MTFR1: variants seen among roughly 807,000 people sequenced by gnomAD.
MTFR1 encodes mitochondrial fission regulator 1.
A neutral mutation model predicts 38.8 loss-of-function variants in MTFR1; 28 were observed. The ratio of observed to expected loss-of-function variants is 0.72; its 90% CI spans 0.53 to 0.99. The LOEUF (loss-of-function observed/expected upper bound fraction) is 0.99, where lower values mean the gene tolerates loss of function less well. Ranked by LOEUF, MTFR1 falls within the 50% of genes least tolerant of loss-of-function variation. The pLI is 0.00. For missense variants in MTFR1, 358 were observed against 395.5 expected (o/e 0.91, Z 0.81); for synonymous variants, 145 against 137.0 (o/e 1.06, Z -0.41).
At position 65,727,191 on chromosome 8, in the gene MTFR1, A is replaced by G. The variant is rs201465547; in HGVS notation, c.*48+7710A>G. 174 of 1,606,880 alleles carry G rather than the reference A, an allele frequency of 1.1e-4. No homozygotes were observed. The East Asian group carries it at 2.4e-3, about 22-fold the overall frequency. On this transcript the variant is annotated intron_variant, in intron 3 of 3. Coordinates refer to the MTFR1 transcript ENST00000521247. ...TAACCTTGTATAAAGTTGCCAAGTAATGGTTAGTTTTAATAAGGAAAGGTT... is the reference window on the plus strand; with the variant it reads ...TAACCTTGTATAAAGTTGCCAAGTAGTGGTTAGTTTTAATAAGGAAAGGTT...
chr8:65,678,396 C>T (rs1804777809), intron 2 of MTFR1, among the ~76,000 whole-genome samples: 1 of 152,168 alleles, frequency 6.6e-6, no homozygotes, highest in Non-Finnish European at 1.5e-5. Context: ...GGTTATGGCT[C>T]TTCATTCTAA....
At chr8:65,744,734 AGAT>A (rs1205714800) in intron 3 of MTFR1, among the ~76,000 whole-genome samples, 1 of 152,240 alleles carries the variant, frequency 6.6e-6, no homozygotes, top group African/African-American at 2.4e-5. Flanking sequence ...AAAAAACATG[AGAT>A]AATAATGTTT....
At chr8:65,725,743 A>G (rs1332832918) in intron 3 of MTFR1, 3 of 152,196 alleles carry the variant, frequency 2.0e-5, no homozygotes, top group Non-Finnish European at 4.4e-5. Context: ...TAATGCTATT[A>G]GGTAGTATTC....
intron 3 of MTFR1, among the ~76,000 whole-genome samples, chr8:65,750,455 T>C (rs563788664): frequency 2.0e-5 from 3 of 151,020 alleles, no homozygotes; most frequent in Admixed American, 1.3e-4. Context: ...ACTGTATGTA[T>C]ATATGTAAAT....
In MTFR1 at chr8:65,727,398, G is replaced by A. The variant is rs528323047; in HGVS notation, c.*48+7917G>A. The A allele has an allele frequency of 8.9e-5, 136 of 1,523,950 alleles. No homozygotes were observed. The African/African-American group carries it at 1.2e-3, about 14-fold the overall frequency. 94.4% of individuals were successfully genotyped at this position (1,523,950 alleles called of 1,614,324 possible). On this transcript the variant is annotated intron_variant, in intron 3 of 3. Transcript: ENST00000521247. Reference sequence around the variant, plus strand: ...GAATTAGCAGCCAATGGTAGTGGTGGTAATCTCCTCCCCCTTCACGTCATT... The same window carrying A: ...GAATTAGCAGCCAATGGTAGTGGTGATAATCTCCTCCCCCTTCACGTCATT...
At chr8:65,650,861 T>G (rs1809103096) in intron 1 of MTFR1, among the ~76,000 whole-genome samples, 1 of 152,198 alleles carries the variant, frequency 6.6e-6, no homozygotes. Flanking sequence ...TATTTCTAGT[T>G]TTTTGAGGAA....
intron 3 of MTFR1, chr8:65,728,193 CAG>C (rs1185185976): frequency 3.3e-5 from 5 of 152,126 alleles, no homozygotes; most frequent in African/African-American, 1.2e-4. Context: ...TGTGCTCTAA[CAG>C]TGAAAATTTT....
At chr8:65,650,197 C>A (rs1809081446) in intron 1 of MTFR1, among the ~76,000 whole-genome samples, 1 of 148,100 alleles carries the variant, frequency 6.8e-6, no homozygotes, top group South Asian at 2.1e-4. Flanking sequence ...CTGCTGGTAA[C>A]CATCCTTATA....
At chr8:65,662,968 C>T (rs1333366556) in intron 1 of MTFR1, among the ~76,000 whole-genome samples, 2 of 151,914 alleles carry the variant, frequency 1.3e-5, no homozygotes, top group Admixed American at 6.5e-5. Flanking sequence ...CGCCTCTGCC[C>T]GGCCGCCCCT....
intron 3 of MTFR1, among the ~76,000 whole-genome samples, chr8:65,744,484 A>C (rs1807583215): frequency 6.6e-6 from 1 of 152,186 alleles, no homozygotes; most frequent in African/African-American, 2.4e-5. Flanking sequence ...GAGAATAAGA[A>C]AACATGACCC....
chr8:65,767,138 C>A lies in MTFR1; in HGVS notation c.*49-3809C>A, dbSNP rs199522285. Among the ~76,000 whole-genome samples the A allele has an allele frequency of 5.9e-5, 9 of 152,292 alleles. No homozygotes were observed. In the East Asian group the frequency reaches 1.7e-3, roughly 29 times the overall value. On this transcript the variant is annotated intron_variant, in intron 3 of 3. Transcript: ENST00000521247. ...ATTAGATCCTTTATTTGTGGCTAAT[C>A]TTGTAGCCCTCAACACCAACACAGG... is the stretch of plus-strand genomic sequence containing the variant.
chr8:65,716,891 A>G (rs1477607775), intron 2 of MTFR1, among the ~76,000 whole-genome samples: 2 of 151,988 alleles, frequency 1.3e-5, no homozygotes, highest in African/African-American at 4.8e-5. Context: ...CTACCCTCAG[A>G]CCTCTATACC....
At chr8:65,697,078 A>G (rs1397635124) in intron 4 of MTFR1, among the ~76,000 whole-genome samples, 3 of 139,326 alleles carry the variant, frequency 2.2e-5, no homozygotes, top group Non-Finnish European at 3.1e-5. Context: ...TCTACCTCCT[A>G]GGTTCAAGTG....
At chr8:65,727,314 A>G (rs1302232287) in intron 3 of MTFR1, 3 of 1,612,276 alleles carry the variant, frequency 1.9e-6, no homozygotes, top group Non-Finnish European at 2.5e-6. Context: ...GAAGTGTGAC[A>G]AAAGAATAAT....
At chr8:65,765,588 A>C (rs1808741997) in intron 3 of MTFR1, 1 of 151,982 alleles carries the variant, frequency 6.6e-6, no homozygotes, top group Admixed American at 6.6e-5. Context: ...AAGAAAATGG[A>C]AAAAACTGCA....
At chr8:65,771,979 C>T (rs578207041), downstream of MTFR1, among the ~76,000 whole-genome samples, 11 of 150,914 alleles carry the variant, frequency 7.3e-5, no homozygotes, top group South Asian at 2.3e-3. Flanking sequence ...AGAACAACCT[C>T]AGACAGTGGT....
chr8:65,734,799 G>C, intron 3 of MTFR1: 2 of 1,571,998 alleles, frequency 1.3e-6, no homozygotes, highest in Non-Finnish European at 1.8e-6. Context: ...CTTACCTTAG[G>C]TTCCTTTAAG....
chr8:65,644,567 T>G (rs1808894276), upstream of MTFR1, among the ~76,000 whole-genome samples: 1 of 152,230 alleles, frequency 6.6e-6, no homozygotes, highest in Non-Finnish European at 1.5e-5. Flanking sequence ...GCTCCGCGCG[T>G]GCGCACACCG....
At chr8:65,662,944 C>T (rs1030800951) in intron 1 of MTFR1, among the ~76,000 whole-genome samples, 7 of 148,044 alleles carry the variant, frequency 4.7e-5, no homozygotes, top group African/African-American at 1.2e-4. Flanking sequence ...CCACCCCGTC[C>T]GGGAGATGAG....
Sources: allele counts gnomAD v4.1 joint callset (sites outside exome capture counted in the v4.1 genomes callset), GRCh38; gene constraint gnomAD v4.1.1; transcripts MANE v1.5; gene names NCBI Gene and HGNC (gene_info 2026-07-23, HGNC 2026-07-21).